The following SAMMSON variants were observed in gnomAD, a reference collection of about 807,000 sequenced individuals.
SAMMSON encodes survival associated mitochondrial melanoma specific oncogenic non-coding RNA.
chr3:70,005,046 C>T (rs925306704), intron 1 of SAMMSON, among the ~76,000 whole-genome samples: 2 of 152,194 alleles, frequency 1.3e-5, no homozygotes, highest in Admixed American at 6.5e-5. Context: ...AATGTTTTCT[C>T]ATCTGAGTGC....
At chr3:70,011,960 G>A (rs2066957915) in intron 1 of SAMMSON, among the ~76,000 whole-genome samples, 1 of 152,062 alleles carries the variant, frequency 6.6e-6, no homozygotes, top group Admixed American at 6.6e-5. Context: ...CTGACAACCA[G>A]AAATGGCAAC....
intron 9 of SAMMSON, among the ~76,000 whole-genome samples, chr3:70,381,595 CAG>C (rs1282296449): frequency 3.3e-5 from 5 of 152,080 alleles, no homozygotes; most frequent in African/African-American, 1.2e-4. Flanking sequence ...TGAGACACTA[CAG>C]AGTACATGTT....
rs565949236 is a variant in SAMMSON, at chr3:70,222,115, T to C, written n.508-26992T>C. On this transcript the variant is annotated intron_variant and non_coding_transcript_variant, in intron 4 of 9. Coordinates refer to ENST00000642114, the Ensembl canonical transcript of SAMMSON. ...CTTTAGGTTTCTCCCAGTGCTTTTA[T>C]GTTCCACAGCTTCTCCCTGTCTCCC... 7.9e-5 allele frequency among the ~76,000 whole-genome samples: 12 copies of C among 152,282 alleles called. No individual in the cohort carries two copies. The South Asian group carries it at 2.5e-3, about 32-fold the overall frequency.
At chr3:70,088,216 C>G (rs1242633333) in intron 4 of SAMMSON, among the ~76,000 whole-genome samples, 1 of 152,162 alleles carries the variant, frequency 6.6e-6, no homozygotes, top group South Asian at 2.1e-4. Flanking sequence ...AACAGACATT[C>G]AACAATAAGC....
In SAMMSON at chr3:70,366,148, G is replaced by T. The variant is rs563266969; in HGVS notation, n.913+7824G>T. ...TGGGACTACAGGCGCCCGCCACCGC[G>T]CCCGGCTAATTTTTTGTATTTTTAG... On this transcript the variant is annotated intron_variant and non_coding_transcript_variant, in intron 9 of 9. Coordinates refer to ENST00000642114, the Ensembl canonical transcript of SAMMSON. Among the ~76,000 whole-genome samples, 735 of 75,090 alleles carry T rather than the reference G, an allele frequency of 9.8e-3. 239 individuals are homozygous for T. The highest frequency in any genetic ancestry group is 0.031 in the African/African-American group (635 of 20,216). The allele number at this position is 75,090 out of a possible 152,430, so 49.3% of individuals were successfully genotyped here.
intron 7 of SAMMSON, among the ~76,000 whole-genome samples, chr3:70,321,576 A>G (rs1473819159): frequency 2.0e-5 from 3 of 152,142 alleles, no homozygotes; most frequent in East Asian, 3.9e-4. Context: ...TTATGTTTTT[A>G]TGGTTTTCGT....
At chr3:70,192,044 C>T (rs1357979672) in intron 4 of SAMMSON, among the ~76,000 whole-genome samples, 2 of 152,078 alleles carry the variant, frequency 1.3e-5, no homozygotes, top group East Asian at 3.9e-4. Flanking sequence ...ACACATCAAT[C>T]TCTCTGGTCC....
At chr3:70,378,979 T>TTTA (rs1703043116) in intron 9 of SAMMSON, among the ~76,000 whole-genome samples, 46 of 141,494 alleles carry the variant, frequency 3.3e-4, no homozygotes, top group African/African-American at 1.0e-3. Context: ...ATACTTACAC[T>TTTA]TTTATTTATT....
intron 4 of SAMMSON, among the ~76,000 whole-genome samples, chr3:70,144,079 C>T (rs2067538548): frequency 6.6e-6 from 1 of 152,066 alleles, no homozygotes; most frequent in Non-Finnish European, 1.5e-5. Flanking sequence ...TTAAAAACAA[C>T]TTTCCTTGGT....
chr3:70,319,700 T>C (rs532141167), intron 7 of SAMMSON, among the ~76,000 whole-genome samples: 2 of 152,214 alleles, frequency 1.3e-5, no homozygotes, highest in African/African-American at 2.4e-5. Flanking sequence ...CCATAAATCA[T>C]ATGATAGGTA....
chr3:70,092,896 G>GTT (rs1260198385), intron 4 of SAMMSON, among the ~76,000 whole-genome samples: 3 of 85,160 alleles, frequency 3.5e-5, no homozygotes, highest in Non-Finnish European at 7.5e-5. Flanking sequence ...GTTGTCTAGT[G>GTT]TTTTTGTTTT....
At chr3:70,363,291 A>G (rs1027884876) in intron 9 of SAMMSON, among the ~76,000 whole-genome samples, 3 of 152,056 alleles carry the variant, frequency 2.0e-5, no homozygotes, top group Admixed American at 6.6e-5. Context: ...GCCCACTTTC[A>G]CCACTCTTAT....
intron 7 of SAMMSON, among the ~76,000 whole-genome samples, chr3:70,299,295 A>T (rs958488662): frequency 6.7e-6 from 1 of 150,008 alleles, no homozygotes; most frequent in African/African-American, 2.5e-5. Flanking sequence ...GCATAATCAT[A>T]TTTTATTAAA....
intron 4 of SAMMSON, among the ~76,000 whole-genome samples, chr3:70,163,807 A>T (rs1248854496): frequency 6.6e-6 from 1 of 152,078 alleles, no homozygotes; most frequent in Non-Finnish European, 1.5e-5. Context: ...AATTGAAGTT[A>T]CAGTTATTCT....
chr3:70,139,933 C>A (rs1486055126), intron 4 of SAMMSON, among the ~76,000 whole-genome samples: 1 of 152,144 alleles, frequency 6.6e-6, no homozygotes, highest in Non-Finnish European at 1.5e-5. Flanking sequence ...CAAATTTGGT[C>A]ACACCCTTCA....
intron 4 of SAMMSON, among the ~76,000 whole-genome samples, chr3:70,175,947 T>G (rs1057082016): frequency 7.2e-5 from 11 of 152,126 alleles, no homozygotes; most frequent in African/African-American, 2.7e-4. Context: ...TAGGCTTACA[T>G]TTTTATTGTT....
chr3:70,231,558 T>A (rs1701560220), intron 4 of SAMMSON, among the ~76,000 whole-genome samples: 1 of 152,218 alleles, frequency 6.6e-6, no homozygotes, highest in Non-Finnish European at 1.5e-5. Context: ...TTAGTTGTGC[T>A]GGATGATTAC....
chr3:70,433,025 C>T (rs933633921), intron 2 of SAMMSON, among the ~76,000 whole-genome samples: 2 of 151,902 alleles, frequency 1.3e-5, no homozygotes. Context: ...AATAATATAC[C>T]ATTATAGCTA....
At chr3:70,399,271 C>G (rs1379155608) in intron 2 of SAMMSON, among the ~76,000 whole-genome samples, 1 of 152,128 alleles carries the variant, frequency 6.6e-6, no homozygotes, top group Non-Finnish European at 1.5e-5. Context: ...GTTGTATACT[C>G]CTAAGCAAAT....
Sources: gnomAD v4.1 joint callset for allele counts (sites outside exome capture counted in the v4.1 genomes callset) on GRCh38, gnomAD v4.1.1 for gene constraint, MANE v1.5 for transcripts, NCBI Gene and HGNC (gene_info 2026-07-23, HGNC 2026-07-21) for gene names.